Variants in RANBP2 observed in about 807,000 individuals in gnomAD.
The protein encoded by RANBP2 is E3 SUMO-protein ligase RanBP2.
Under a neutral mutation model 303.6 loss-of-function variants are expected in RANBP2, and 57 were observed. The observed-to-expected ratio is 0.19, with a 90% CI of 0.15 to 0.23. The LOEUF (loss-of-function observed/expected upper bound fraction) is 0.23. Ranked by LOEUF, RANBP2 falls within the 10% of genes least tolerant of loss-of-function variation. The probability of loss-of-function intolerance (pLI) is 1.00; values close to 1 mark genes in which losing one functional copy is unlikely to be tolerated. For synonymous variants in RANBP2, 1,167 were observed against 1,301.5 expected, an observed-to-expected ratio of 0.90 and a Z score of 2.23; for missense variants, 3,138 against 3,780.8, an observed-to-expected ratio of 0.83 and a Z score of 4.46.
chr2:108,879,700 C>A, the RANBP2 span, among the ~76,000 whole-genome samples: 1 of 151,908 alleles, frequency 6.6e-6, no homozygotes, highest in East Asian at 1.9e-4. Flanking sequence ...TTTTATAGAT[C>A]AAAAAAGAAA....
At chr2:109,665,003 GA>G in the RANBP2 span, among the ~76,000 whole-genome samples, 1 of 150,554 alleles carries the variant, frequency 6.6e-6, no homozygotes, top group African/African-American at 2.4e-5. Flanking sequence ...CCTACACATA[GA>G]AAAAAATAAT....
the RANBP2 span, among the ~76,000 whole-genome samples, chr2:109,090,310 TCACACACACACACACACACACA>T: frequency 1.8e-5 from 2 of 109,690 alleles, no homozygotes; most frequent in African/African-American, 3.8e-5. Context: ...ACACCTCGCC[TCACACACACACACACACACACA>T]CACACACACA....
chr2:109,055,481 C>T, the RANBP2 span, among the ~76,000 whole-genome samples: 15 of 151,514 alleles, frequency 9.9e-5, no homozygotes, highest in African/African-American at 3.4e-4. Flanking sequence ...TCTGCCTCAG[C>T]CTCTCGAGTA....
the RANBP2 span, chr2:108,791,701 A>G: frequency 3.7e-6 from 6 of 1,608,024 alleles, no homozygotes; most frequent in Non-Finnish European, 5.1e-6. Context: ...GATTCTTTCC[A>G]TGATTTGAAG....
At chr2:108,954,618 T>C in the RANBP2 span, among the ~76,000 whole-genome samples, 1 of 152,160 alleles carries the variant, frequency 6.6e-6, no homozygotes, top group African/African-American at 2.4e-5. Context: ...CTCTGTCTGC[T>C]TTCCTCTGTC....
the RANBP2 span, chr2:109,432,430 C>G: frequency 5.7e-5 from 89 of 1,574,418 alleles, 1 homozygote; most frequent in Middle Eastern, 1.2e-3. Flanking sequence ...CAACCTCCCC[C>G]CAGGAATGCC....
chr2:109,105,105 C>T, the RANBP2 span, among the ~76,000 whole-genome samples: 4 of 152,084 alleles, frequency 2.6e-5, no homozygotes, highest in Admixed American at 2.6e-4. Context: ...AATAATTGGT[C>T]GCAGCTGGCA....
chr2:109,306,681 A>G, the RANBP2 span, among the ~76,000 whole-genome samples: 17 of 152,222 alleles, frequency 1.1e-4, no homozygotes, highest in African/African-American at 3.9e-4. Flanking sequence ...CCAGTAACCT[A>G]GCATGTTACT....
the RANBP2 span, among the ~76,000 whole-genome samples, chr2:109,620,718 AAG>A: frequency 6.6e-6 from 1 of 152,164 alleles, no homozygotes; most frequent in South Asian, 2.1e-4. Flanking sequence ...AATAGAAAGA[AAG>A]AAAGTTTCCT....
chr2:108,859,481 T>A, the RANBP2 span, among the ~76,000 whole-genome samples: 11 of 152,210 alleles, frequency 7.2e-5, no homozygotes, highest in Non-Finnish European at 1.6e-4. Context: ...CCTAGGCCAA[T>A]GTCCAGAAGA....
chr2:109,490,470 G>A, the RANBP2 span: 14 of 775,484 alleles, frequency 1.8e-5, no homozygotes, highest in East Asian at 4.0e-4. Context: ...GCTGTGAGTG[G>A]TAAAGTCTTT....
the RANBP2 span, among the ~76,000 whole-genome samples, chr2:109,297,410 G>A: frequency 2.5e-4 from 38 of 152,052 alleles, no homozygotes; most frequent in Admixed American, 1.1e-3. Context: ...CCACATAGCC[G>A]CCTGCAAGAG....
chr2:109,147,867 A>G, the RANBP2 span, among the ~76,000 whole-genome samples: 4 of 152,248 alleles, frequency 2.6e-5, no homozygotes, highest in South Asian at 8.3e-4. Context: ...ATATATACAT[A>G]TAAAGTTAGA....
chr2:109,665,094 A>G, the RANBP2 span: 1 of 152,226 alleles, frequency 6.6e-6, no homozygotes, highest in African/African-American at 2.4e-5. Context: ...ATGGAAGTAC[A>G]GCATACATAC....
chr2:109,544,294 T>C, the RANBP2 span: 2 of 1,602,132 alleles, frequency 1.2e-6, no homozygotes, highest in Admixed American at 3.5e-5. Flanking sequence ...CCTTCTGTGC[T>C]CTGGAACTTC....
At chr2:109,590,916 T>C in the RANBP2 span, among the ~76,000 whole-genome samples, 2 of 152,036 alleles carry the variant, frequency 1.3e-5, no homozygotes, top group Non-Finnish European at 2.9e-5. Flanking sequence ...AAGGAAAGCC[T>C]CCAGATAAGA....
At chr2:109,012,156 A>G in the RANBP2 span, among the ~76,000 whole-genome samples, 39 of 152,282 alleles carry the variant, frequency 2.6e-4, no homozygotes, top group African/African-American at 8.4e-4. Flanking sequence ...TGCTGACTTC[A>G]AGCTCTATTT....
chr2:109,393,424 A>G, the RANBP2 span, among the ~76,000 whole-genome samples: 1 of 152,278 alleles, frequency 6.6e-6, no homozygotes, highest in South Asian at 2.1e-4. Flanking sequence ...GCCCACACCT[A>G]TTGAGCCGGA....
At chr2:109,176,437 C>G in the RANBP2 span, among the ~76,000 whole-genome samples, 1 of 152,270 alleles carries the variant, frequency 6.6e-6, no homozygotes, top group African/African-American at 2.4e-5. Context: ...ATTTCTTGAT[C>G]AAAAGGCATA....
Sources: allele counts gnomAD v4.1 joint callset (sites outside exome capture counted in the v4.1 genomes callset), GRCh38; gene constraint gnomAD v4.1.1; transcripts MANE v1.5; gene names NCBI Gene and HGNC (gene_info 2026-07-23, HGNC 2026-07-21).